Variants in MAN2C1 observed in about 807,000 individuals in gnomAD.
MAN2C1 encodes mannosidase alpha class 2C member 1, also known as alpha-mannosidase 2C1.
Under a neutral mutation model 126.9 loss-of-function variants are expected in MAN2C1, and 111 were observed. The observed-to-expected ratio is 0.87, with a 90% confidence interval of 0.75 to 1.02. MAN2C1 has a LOEUF of 1.02. MAN2C1 is among the 50% of genes least tolerant of loss of function. The pLI, the probability that MAN2C1 is intolerant of heterozygous loss-of-function variation, is 0.00. For missense variants in MAN2C1, 1,363 were observed against 1,364.4 expected, an observed-to-expected ratio of 1.00 and a Z score of 0.02; for synonymous variants, 567 against 561.5, an observed-to-expected ratio of 1.01 and a Z score of -0.14.
rs1264314750 is a variant in MAN2C1 at position 75,362,949 on chromosome 15, T to C, written c.791-201A>G. The C allele has an allele frequency of 1.4e-5, 8 of 578,752 alleles. No individual in the cohort carries two copies. The highest frequency in any genetic ancestry group is 2.0e-5 in the South Asian group (1 of 50,988). 35.9% of individuals were successfully genotyped at this position (578,752 alleles called of 1,614,324 possible). On this transcript the variant is annotated intron_variant, in intron 6 of 25. Transcript: ENST00000267978. This position sits in a 1 kb window ranked among gnomAD's most constrained non-coding sequence, Gnocchi z 4.5. The stretch of plus-strand genomic sequence containing the variant: ...CTGGGGAAAGGAGGCGGCAGTGCTA[T>C]GAGGCCAATTATACAGGTCAGGAAA...
chr15:75,363,418 A>C, intron 6 of MAN2C1: 1 of 411,930 alleles, frequency 2.4e-6, no homozygotes, highest in South Asian at 1.7e-5. Flanking sequence ...CAGACTCCCC[A>C]CCATTGTGAC....
In MAN2C1 at chr15:75,359,131, T is replaced by C. The variant is rs758407978; in HGVS notation, c.2069A>G (p.Asp690Gly). 1 of 1,614,000 alleles carries C rather than the reference T, an allele frequency of 6.2e-7. No individual in the cohort carries two copies. The highest frequency in any genetic ancestry group is 1.1e-5 in the South Asian group (1 of 91,080). The stretch of plus-strand genomic sequence containing the variant: ...CAGCTTCACTCGGATGATGCCATTG[T>C]CCAGAGTCACGGAGCCATCAGTCTT... ...VQETDGSVTL[D>G]NGIIRVKLDP... The change falls in exon 18 of 26, where the codon GAC becomes GGC. Residue 690 changes from aspartate to glycine, a missense_variant. Around this residue, in one of 3 missense-constraint regions of MAN2C1, gnomAD observed 668 missense variants for 650.1 expected, o/e 1.03. Coordinates refer to ENST00000267978, the MANE Select transcript of MAN2C1 (RefSeq NM_006715.4).
At chr15:75,365,817 GCTCAC>G (rs1367477457) in intron 4 of MAN2C1, 13 of 301,464 alleles carry the variant, frequency 4.3e-5, no homozygotes, top group Admixed American at 4.8e-5. Context: ...AGGTGCGGTG[GCTCAC>G]GCCTGTAATT....
At position 75,361,628 on chromosome 15, in the gene MAN2C1, G is replaced by T; in HGVS notation, c.1194C>A (p.Ser398Arg). 1.2e-6 allele frequency: 2 copies of T among 1,613,966 alleles called. No individual in the cohort carries two copies. The highest frequency in any genetic ancestry group is 2.2e-5 in the South Asian group (2 of 91,082). The change falls in exon 10 of 26, where the codon AGC becomes AGA. Residue 398 changes from serine (S) to arginine (R), a missense_variant. Physicochemically the swap from Ser to Arg is moderately radical, Grantham distance 110. Around this residue, in one of 3 missense-constraint regions of MAN2C1, gnomAD observed 628 missense variants for 609.8 expected, o/e 1.03. Transcript: ENST00000267978. This position sits in a 1 kb window ranked among gnomAD's most constrained non-coding sequence, Gnocchi z 5.0. ...GIRRFLTQKLSWNLVNSFPHH... is the reference protein window; with the variant it reads ...GIRRFLTQKLRWNLVNSFPHH... The stretch of plus-strand genomic sequence containing the variant: ...CTGGGAAGGAGTTCACCAAATTCCA[G>T]CTCAATTTCTGGGTGAGAAAGCGCC...
At chr15:75,368,340 C>A (rs982080147) in intron 1 of MAN2C1, 142 bp from the exon 2 acceptor site, 3 of 1,396,438 alleles carry the variant, frequency 2.1e-6, no homozygotes, top group Non-Finnish European at 1.9e-6. Flanking sequence ...CCATTCCCTA[C>A]CCCCTCCTCC....
Position 75,360,061 on chromosome 15 carries a change from G to A in MAN2C1, c.1706+29C>T. On this transcript the variant is annotated intron_variant, in intron 14 of 25. Transcript: ENST00000267978. ...AGAGGTAACTGCAGTGAGCAGTCAG[G>A]TGGATGGCAGGGACAGAACTGGGCT... The A allele has an allele frequency of 1.9e-6, 3 of 1,614,016 alleles. No homozygotes were observed. The South Asian group carries it at 3.3e-5, about 18-fold the overall frequency.
chr15:75,360,233 T>G (rs2072439469), intron 13 of MAN2C1, 22 bp from the exon 14 acceptor site: 1 of 1,604,120 alleles, frequency 6.2e-7, no homozygotes, highest in African/African-American at 1.3e-5. Flanking sequence ...ATGGGAAGAT[T>G]AGTCTGGAGC....
At position 75,358,213 on chromosome 15, in the gene MAN2C1, C is replaced by T; in HGVS notation, c.2535G>A (p.Trp845Ter). ...TGCCATGTCAGACCTCAAATCGAGC[C>T]CAGTCCCAAGAGGTATTGTAGTGGG... Reference protein sequence around the residue: ...RPTHYNTSWDWARFEVWAHRW... With the variant: ...RPTHYNTSWD Residue 845 changes from tryptophan to a stop codon, truncating the protein, a stop_gained, in exon 21 of 26, where the codon TGG becomes TGA. Transcript: ENST00000267978. LOFTEE classifies it high-confidence loss of function. The T allele has an allele frequency of 6.2e-7, 1 of 1,614,164 alleles. No individual in the cohort carries two copies. The highest frequency in any genetic ancestry group is 8.5e-7 in the Non-Finnish European group (1 of 1,180,030).
chr15:75,356,812 T>C lies in MAN2C1; in HGVS notation c.2638A>G (p.Ser880Gly), dbSNP rs1326071888. ...ACTTACAGCGAGAGGCTGAGGATGC[T>C]GCCTCGCACTGACGCGCCATACTTG... is the stretch of plus-strand genomic sequence containing the variant. ...DCKYGASVRGSILSLSLLRAP... is the reference protein window; with the variant it reads ...DCKYGASVRGGILSLSLLRAP... Residue 880 changes from serine (S) to glycine (G), a missense_variant, in exon 22 of 26, where the codon AGC (serine) becomes GGC (glycine). Ser to Gly is a moderately conservative substitution (Grantham distance 56). Around this residue, in one of 3 missense-constraint regions of MAN2C1, gnomAD observed 668 missense variants for 650.1 expected, o/e 1.03. Transcript: ENST00000267978. This position sits in a 1 kb window ranked among gnomAD's most constrained non-coding sequence, Gnocchi z 5.8. The C allele has an allele frequency of 5.0e-6, 8 of 1,614,068 alleles. No individual in the cohort carries two copies. In the East Asian group the frequency reaches 1.8e-4, roughly 36 times the overall value.
At position 75,359,257 on chromosome 15, in the gene MAN2C1, G is replaced by A. The variant is rs374420457; in HGVS notation, c.2046+71C>T. 1.2e-4 allele frequency: 196 copies of A among 1,593,668 alleles called. 2 individuals are homozygous for A. The East Asian group carries it at 1.7e-3, about 14-fold the overall frequency. ...GCCTCACCACTTGCTCCAGACAGGG[G>A]AGCTCAGGACCCTCAGTTGTAAGAA... is the stretch of plus-strand genomic sequence containing the variant. On this transcript the variant is annotated intron_variant, in intron 17 of 25. Coordinates refer to ENST00000267978, the MANE Select transcript of MAN2C1 (RefSeq NM_006715.4).
rs565553419 is a variant in MAN2C1 at position 75,362,484 on chromosome 15, G to C, written c.898-31C>G. ...GGCAGGTTGAAGGGAGCTGGGACCA[G>C]AGTGACAAGGGCCCCACCCAGGACT... On this transcript the variant is annotated intron_variant, in intron 7 of 25. Transcript: ENST00000267978. The surrounding 1 kb of genome is among the most constrained non-coding windows in gnomAD (Gnocchi z 4.5). The C allele has an allele frequency of 1.0e-5, 16 of 1,573,020 alleles. No homozygotes were observed. The African/African-American group carries it at 1.9e-4, about 19-fold the overall frequency.
intron 21 of MAN2C1, 54 bp downstream of exon 21, chr15:75,358,147 A>G: frequency 6.2e-7 from 1 of 1,601,390 alleles, no homozygotes; most frequent in South Asian, 1.1e-5. Flanking sequence ...CCACACAAGC[A>G]GTCTCCCCAG....
chr15:75,359,826 C>T (rs1302547157), intron 15 of MAN2C1, 51 bp from the exon 16 acceptor site: 1 of 1,613,160 alleles, frequency 6.2e-7, no homozygotes, highest in Admixed American at 1.7e-5. Flanking sequence ...GGAATGTGCC[C>T]ATGGGTATCC....
chr15:75,357,042 G>A, intron 21 of MAN2C1, 140 bp from the exon 22 acceptor site: 1 of 654,470 alleles, frequency 1.5e-6, no homozygotes, highest in Non-Finnish European at 2.7e-6. Flanking sequence ...CGGGGCCCTG[G>A]GCATGCCACC....
At chr15:75,358,985 G>T in intron 18 of MAN2C1, 74 bp downstream of exon 18, 2 of 1,587,900 alleles carry the variant, frequency 1.3e-6, no homozygotes, top group Non-Finnish European at 1.7e-6. Flanking sequence ...GGGCAGTGTT[G>T]TGGCAAGGGG....
At position 75,364,617 on chromosome 15, in the gene MAN2C1, C is replaced by T. The variant is rs760597017; in HGVS notation, c.471G>A (p.Gly157=). 13 of 1,613,642 alleles carry T rather than the reference C, an allele frequency of 8.1e-6. No individual in the cohort carries two copies. The Admixed American group carries it at 2.2e-4, about 27-fold the overall frequency. ...CAGGGGCTGCAATCATGCTTCCCTTCCCGGCCCCCAGGAGCCCATTGCAGG... is the reference window on the plus strand; with the variant it reads ...CAGGGGCTGCAATCATGCTTCCCTTTCCGGCCCCCAGGAGCCCATTGCAGG... The part of the protein sequence containing the change: ...EVACNGLLGA[G]KGSMIAAPDP... Residue 157 remains glycine, a synonymous_variant, in exon 5 of 26, where the codon GGG becomes GGA. Coordinates refer to ENST00000267978, the MANE Select transcript of MAN2C1 (RefSeq NM_006715.4).
At chr15:75,364,220 T>C (rs536100299) in intron 5 of MAN2C1, 32 bp from the exon 6 acceptor site, 2 of 1,579,266 alleles carry the variant, frequency 1.3e-6, no homozygotes, top group South Asian at 2.3e-5. Context: ...TAATCCCTTT[T>C]TCAAGCACAG....
Position 75,359,911 on chromosome 15 carries a change from T to A in MAN2C1, c.1784A>T (p.His595Leu). The A allele has an allele frequency of 6.2e-7, 1 of 1,612,672 alleles. No homozygotes were observed. Residue 595 changes from histidine to leucine, a missense_variant, in exon 15 of 26, where the codon CAT becomes CTT. By Grantham distance (99) the His-to-Leu change is moderately conservative. This residue lies in a region of MAN2C1 where 668 missense variants were observed against 650.1 expected (regional missense o/e 1.03). Coordinates refer to ENST00000267978, the MANE Select transcript of MAN2C1 (RefSeq NM_006715.4). ...ACTATTGTGAGCCTAACCTTCATAA[T>A]GGCACATGGCTTCCTCTGCCACCAT... ...IQMVAEEAMC[H>L]YEDIRSHGNT...
intron 3 of MAN2C1, among the ~76,000 whole-genome samples, chr15:75,367,181 G>A (rs898327893): frequency 1.3e-5 from 2 of 152,032 alleles, no homozygotes; most frequent in African/African-American, 2.4e-5. Context: ...CTAGATAGGA[G>A]TATAAGGACT....
Sources: allele counts gnomAD v4.1 joint callset (sites outside exome capture counted in the v4.1 genomes callset), GRCh38; gene constraint gnomAD v4.1.1; regional missense constraint gnomAD v4.1.1; non-coding constraint Gnocchi (gnomAD v3.1); transcripts MANE v1.5; gene names NCBI Gene and HGNC (gene_info 2026-07-23, HGNC 2026-07-21).